The following ANKS1B variants were observed in gnomAD, a reference collection of about 807,000 sequenced individuals.
ANKS1B encodes the protein ankyrin repeat and sterile alpha motif domain-containing protein 1B.
In ANKS1B, 36 loss-of-function variants were observed where a neutral mutation model predicts 148.3. The ratio of observed to expected loss-of-function variants is 0.24; its 90% CI spans 0.19 to 0.32. The LOEUF is 0.32. ANKS1B is among the 10% of genes least tolerant of loss of function. The pLI, the probability that ANKS1B is intolerant of heterozygous loss-of-function variation, is 1.00. For synonymous variants in ANKS1B, 542 were observed against 560.8 expected (o/e 0.97, Z 0.47); for missense variants, 1,157 against 1,542.6 (o/e 0.75, Z 4.19).
intron 12 of ANKS1B, among the ~76,000 whole-genome samples, chr12:99,355,416 C>T (rs918794155): frequency 4.6e-5 from 7 of 152,118 alleles, no homozygotes; most frequent in Non-Finnish European, 1.0e-4. Context: ...TATTCCTTAA[C>T]CAAAGTTTAG....
rs76434590 is a variant in ANKS1B, at chr12:99,786,265, G to C, written c.670-4168C>G. ...GAAATAGAATTCCCCACAGCCTTAG[G>C]GAAAGGCGAGGACAGAAAGTATGAA... is the stretch of plus-strand genomic sequence containing the variant. On this transcript the variant is annotated intron_variant, in intron 4 of 26. Coordinates refer to ENST00000683438, the MANE Select transcript of ANKS1B (RefSeq NM_001352186.2). 3.1e-3 allele frequency among the ~76,000 whole-genome samples: 472 copies of C among 152,234 alleles called. 2 individuals are homozygous for C. Among genetic ancestry groups the C allele is most frequent in the African/African-American group, 0.011 (458 of 41,534 alleles).
chr12:99,875,161 C>T (rs969353439), intron 1 of ANKS1B, among the ~76,000 whole-genome samples: 2 of 152,114 alleles, frequency 1.3e-5, no homozygotes, highest in African/African-American at 4.8e-5. Flanking sequence ...TAGAAAGATG[C>T]TTTGACTTGG....
intron 17 of ANKS1B, among the ~76,000 whole-genome samples, chr12:98,844,852 A>C (rs2099439457): frequency 6.6e-6 from 1 of 152,228 alleles, no homozygotes; most frequent in African/African-American, 2.4e-5. Context: ...CAATGACATA[A>C]AACTGTGAAA....
At chr12:99,504,956 C>A (rs775849400) in intron 9 of ANKS1B, among the ~76,000 whole-genome samples, 27 of 152,154 alleles carry the variant, frequency 1.8e-4, no homozygotes, top group Non-Finnish European at 3.7e-4. Flanking sequence ...CAAGACTCTA[C>A]TCCTTTGCCG....
At chr12:99,052,006 T>C (rs1362153656) in intron 17 of ANKS1B, among the ~76,000 whole-genome samples, 1 of 152,222 alleles carries the variant, frequency 6.6e-6, no homozygotes, top group Non-Finnish European at 1.5e-5. Flanking sequence ...TCTTAGTTCA[T>C]AAATGCCATT....
chr12:99,228,796 G>T (rs2086368443), intron 14 of ANKS1B, among the ~76,000 whole-genome samples: 1 of 151,804 alleles, frequency 6.6e-6, no homozygotes, highest in African/African-American at 2.4e-5. Flanking sequence ...CAACTATTTT[G>T]ACTCAAAACT....
intron 10 of ANKS1B, among the ~76,000 whole-genome samples, chr12:99,495,614 G>A (rs898159868): frequency 6.6e-6 from 1 of 152,116 alleles, no homozygotes; most frequent in Non-Finnish European, 1.5e-5. Context: ...TGAGCACAGA[G>A]CAAATGCCAA....
At chr12:99,468,714 G>A (rs1484433940) in intron 10 of ANKS1B, among the ~76,000 whole-genome samples, 1 of 152,162 alleles carries the variant, frequency 6.6e-6, no homozygotes, top group Non-Finnish European at 1.5e-5. Context: ...GGCCATCAAA[G>A]AAATGCAAAT....
rs537514950 is a variant in ANKS1B at position 99,720,689 on chromosome 12, T to C, written c.1128+52233A>G. 8.4e-4 allele frequency among the ~76,000 whole-genome samples: 128 copies of C among 152,328 alleles called. 2 individuals are homozygous for C. Among genetic ancestry groups the C allele is most frequent in the Middle Eastern group, 3.4e-3 (1 of 294 alleles). On this transcript the variant is annotated intron_variant, in intron 8 of 26. Transcript: ENST00000683438. ...GGTACAGCCCATTGGAGCTCCTGTA[T>C]GGACGCTCCTTTTTATTAGGCCCCA...
chr12:99,806,717 T>A lies in ANKS1B; in HGVS notation c.373-17A>T. 1 of 1,585,624 alleles carries A rather than the reference T, an allele frequency of 6.3e-7. No individual in the cohort carries two copies. Among genetic ancestry groups the A allele is most frequent in the Non-Finnish European group, 8.6e-7 (1 of 1,161,306 alleles). ...TTCATTGTTCTAAGACAAAGATTTT[T>A]AAAAAGGCACATTTTCAGAAATTCA... On this transcript the variant is annotated splice_polypyrimidine_tract_variant and intron_variant, in intron 3 of 26. Coordinates refer to ENST00000683438, the MANE Select transcript of ANKS1B (RefSeq NM_001352186.2).
intron 1 of ANKS1B, among the ~76,000 whole-genome samples, chr12:99,826,963 A>C (rs1335467861): frequency 1.3e-5 from 2 of 151,910 alleles, no homozygotes; most frequent in Non-Finnish European, 2.9e-5. Context: ...ATAAAGAATA[A>C]AAAAAATTAG....
intron 9 of ANKS1B, among the ~76,000 whole-genome samples, chr12:99,559,614 C>T (rs1330308475): frequency 6.6e-6 from 1 of 152,128 alleles, no homozygotes. Context: ...ATAGCTATAT[C>T]CTTGTATAAC....
intron 8 of ANKS1B, among the ~76,000 whole-genome samples, chr12:99,688,654 T>A (rs1599726232): frequency 6.6e-6 from 1 of 152,002 alleles, no homozygotes; most frequent in African/African-American, 2.4e-5. Flanking sequence ...CTGGGCAACA[T>A]AACAAGACTT....
In ANKS1B at chr12:99,802,927, A is replaced by AT. The variant is rs943527837; in HGVS notation, c.669+3476_669+3477insA. Among the ~76,000 whole-genome samples the AT allele has an allele frequency of 9.4e-3, 1,357 of 144,310 alleles. 14 individuals carry two copies. The highest frequency in any genetic ancestry group is 0.032 in the African/African-American group (1,265 of 38,978). 94.7% of individuals were successfully genotyped at this position (144,310 alleles called of 152,430 possible). A position where few individuals can be genotyped will look rare whatever the true frequency, so the allele number is the denominator to read the frequency against. ...ACCCTGCCTTTAAAAAAAAAAAAAA[A>AT]GTAAAATAAAATAAAATCACATGTA... is the stretch of plus-strand genomic sequence containing the variant. On this transcript the variant is annotated intron_variant, in intron 4 of 26. Coordinates refer to ENST00000683438, the MANE Select transcript of ANKS1B (RefSeq NM_001352186.2).
At chr12:99,534,990 T>A (rs1453120437) in intron 9 of ANKS1B, among the ~76,000 whole-genome samples, 2 of 152,112 alleles carry the variant, frequency 1.3e-5, no homozygotes, top group South Asian at 4.1e-4. Context: ...ATTACAGGCA[T>A]GAGCCACCGC....
rs11313441 is a variant in ANKS1B, at chr12:98,944,302, C to CAAAAAAAAAAAAA, written c.2778+108842_2778+108854dup. On this transcript the variant is annotated intron_variant, in intron 17 of 26. Transcript: ENST00000683438. ...GTGACAAGAGCGAAACTCCACCTCACAAAAAAAAAAAAAAAAAAAGCCTAG... is the reference window on the plus strand; with the variant it reads ...GTGACAAGAGCGAAACTCCACCTCACAAAAAAAAAAAAAAAAAAAAAAAAAAAAAAAAGCCTAG... Among the ~76,000 whole-genome samples the CAAAAAAAAAAAAA allele has an allele frequency of 3.4e-5, 3 of 88,046 alleles. No homozygotes were observed. In the East Asian group the frequency reaches 1.1e-3, roughly 32 times the overall value. The allele number at this position is 88,046 out of a possible 152,430, so 57.8% of individuals were successfully genotyped here. A position where few individuals can be genotyped will look rare whatever the true frequency, so the allele number is the denominator to read the frequency against.
chr12:98,793,940 A>G (rs922469845), intron 22 of ANKS1B, among the ~76,000 whole-genome samples: 3 of 152,240 alleles, frequency 2.0e-5, no homozygotes, highest in African/African-American at 7.2e-5. Flanking sequence ...TCATCTGGCC[A>G]GAGCAAATCC....
rs769940094 is a variant in ANKS1B at position 98,769,640 on chromosome 12, G to GAT, written c.3579+3400_3579+3401dup. Among the ~76,000 whole-genome samples, 13 of 151,972 alleles carry GAT rather than the reference G, an allele frequency of 8.6e-5. 1 individual carries two copies. The highest frequency in any genetic ancestry group is 3.4e-3 in the Middle Eastern group (1 of 294). ...CAACATTTCACCTCAGTATTCTGGT[G>GAT]ATATATATATATCACACACACGTAT... On this transcript the variant is annotated intron_variant, in intron 25 of 26. Transcript: ENST00000683438.
chr12:99,875,216 G>C (rs1201811627), intron 1 of ANKS1B, among the ~76,000 whole-genome samples: 1 of 152,152 alleles, frequency 6.6e-6, no homozygotes, highest in Non-Finnish European at 1.5e-5. Flanking sequence ...AATAAATGCA[G>C]TGATGTTTGG....
Sources: allele counts gnomAD v4.1 joint callset (sites outside exome capture counted in the v4.1 genomes callset), GRCh38; gene constraint gnomAD v4.1.1; transcripts MANE v1.5; gene names NCBI Gene and HGNC (gene_info 2026-07-23, HGNC 2026-07-21).